Variants in SMOX observed in about 807,000 individuals in gnomAD.
SMOX encodes spermine oxidase, also known as flavin containing amine oxidase.
A neutral mutation model predicts 51.0 loss-of-function variants in SMOX; 22 were observed. The observed-to-expected ratio is 0.43, with a 90% CI of 0.31 to 0.62. The LOEUF (loss-of-function observed/expected upper bound fraction) is 0.62, where lower values mean the gene tolerates loss of function less well. Ranked by LOEUF, SMOX falls within the 20% of genes least tolerant of loss-of-function variation. The pLI is 0.10. For missense variants in SMOX, 566 were observed against 777.7 expected (o/e 0.73, Z 3.24); for synonymous variants, 282 against 307.8 (o/e 0.92, Z 0.88).
At chr20:4,163,116 G>T (rs62212577) in intron 1 of SMOX, among the ~76,000 whole-genome samples, 6,453 of 152,108 alleles carry the variant, frequency 0.042, 178 homozygotes, top group Middle Eastern at 0.088. Context: ...CTCCGGCACT[G>T]TCAGACCTCA....
At chr20:4,159,922 C>G (rs1035198614) in intron 1 of SMOX, among the ~76,000 whole-genome samples, 1 of 152,172 alleles carries the variant, frequency 6.6e-6, no homozygotes, top group African/African-American at 2.4e-5. Flanking sequence ...CTGTGGTCTT[C>G]TTAGGAGAGC....
chr20:4,178,511 A>G (rs1177528198), intron 3 of SMOX, among the ~76,000 whole-genome samples: 3 of 152,152 alleles, frequency 2.0e-5, no homozygotes, highest in Non-Finnish European at 4.4e-5. Context: ...TTAAAAAATT[A>G]TTAATATTGT....
intron 1 of SMOX, among the ~76,000 whole-genome samples, chr20:4,156,731 T>C (rs1201445492): frequency 6.6e-6 from 1 of 152,160 alleles, no homozygotes; most frequent in East Asian, 1.9e-4. Context: ...TAGCTGGGCC[T>C]GGGTCTTCTG....
intron 1 of SMOX, among the ~76,000 whole-genome samples, chr20:4,157,977 T>C (rs544415744): frequency 6.6e-5 from 10 of 152,198 alleles, no homozygotes; most frequent in Admixed American, 1.3e-4. Context: ...CTCGGCTCAC[T>C]GCAACCTCCG....
chr20:4,162,461 G>A (rs1458304500), intron 1 of SMOX, among the ~76,000 whole-genome samples: 1 of 152,246 alleles, frequency 6.6e-6, no homozygotes, highest in African/African-American at 2.4e-5. Context: ...CCTGCGTGGA[G>A]CTCACTTCTC....
At chr20:4,160,090 A>C (rs1401297685) in intron 1 of SMOX, among the ~76,000 whole-genome samples, 3 of 152,166 alleles carry the variant, frequency 2.0e-5, no homozygotes, top group Non-Finnish European at 4.4e-5. Context: ...GGAGGAGGAG[A>C]TCGAGGGTGA....
intron 1 of SMOX, among the ~76,000 whole-genome samples, chr20:4,169,269 C>T (rs1192188514): frequency 1.3e-5 from 2 of 152,072 alleles, no homozygotes; most frequent in East Asian, 3.9e-4. Context: ...CCCAAAGTGC[C>T]GCGATTACAG....
In SMOX at chr20:4,177,847, T is replaced by G. The variant is rs993870032; in HGVS notation, c.435+270T>G. 2.8e-4 allele frequency among the ~76,000 whole-genome samples: 43 copies of G among 152,192 alleles called. No individual in the cohort carries two copies. Among genetic ancestry groups the G allele is most frequent in the African/African-American group, 1.0e-3 (42 of 41,446 alleles). On this transcript the variant is annotated intron_variant, in intron 3 of 6. Transcript: ENST00000305958. The surrounding 1 kb of genome is among the most constrained non-coding windows in gnomAD (Gnocchi z 4.3). ...ATATTTTGGAATTTATGTATATAAC[T>G]CTACACAAAAAATGAGAATTTTGTC... is the stretch of plus-strand genomic sequence containing the variant.
In SMOX at chr20:4,177,379, C is replaced by G. The variant is rs1978945174; in HGVS notation, c.237C>G (p.Thr79=). ...LGHATFELGA[T]WIHGSHGNPI... Reference sequence around the variant, plus strand: ...ACGCCACCTTTGAGCTGGGAGCCACCTGGATCCATGGCTCCCATGGGAACC... The same window carrying G: ...ACGCCACCTTTGAGCTGGGAGCCACGTGGATCCATGGCTCCCATGGGAACC... The change falls in exon 3 of 7, where the codon ACC becomes ACG. Residue 79 remains threonine, a synonymous_variant. Transcript: ENST00000305958. The surrounding 1 kb of genome is among the most constrained non-coding windows in gnomAD (Gnocchi z 4.3). 1 of 1,553,270 alleles carries G rather than the reference C, an allele frequency of 6.4e-7. No individual in the cohort carries two copies. The highest frequency in any genetic ancestry group is 8.7e-7 in the Non-Finnish European group (1 of 1,147,858).
In SMOX at chr20:4,177,768, T is replaced by C. The variant is rs1741320; in HGVS notation, c.435+191T>C. 0.55 allele frequency among the ~76,000 whole-genome samples: 83,268 copies of C among 151,740 alleles called. 23,287 individuals carry two copies. The highest frequency in any genetic ancestry group is 0.66 in the East Asian group (3,402 of 5,130). On this transcript the variant is annotated intron_variant, in intron 3 of 6. Coordinates refer to ENST00000305958, the MANE Select transcript of SMOX (RefSeq NM_175839.3). This position sits in a 1 kb window ranked among gnomAD's most constrained non-coding sequence, Gnocchi z 4.3. ...TGATTTGTTAGCTTGCTAAATTATT[T>C]TTAATTCTAATAATACATCTATTAT...
chr20:4,186,737 C>T lies in SMOX; in HGVS notation c.1531-533C>T, dbSNP rs1435182467. The T allele has an allele frequency of 3.8e-6, 3 of 780,832 alleles. No homozygotes were observed. The East Asian group carries it at 7.3e-5, about 19-fold the overall frequency. 48.4% of individuals were successfully genotyped at this position (780,832 alleles called of 1,614,324 possible). ...AATTGGGTTTCATGTCTGGCTTCCT[C>T]ACCAGCATGGAAGCTCCACAAAGCA... On this transcript the variant is annotated intron_variant, in intron 6 of 6. Transcript: ENST00000305958.
chr20:4,159,970 T>C (rs1012198560), intron 1 of SMOX, among the ~76,000 whole-genome samples: 7 of 152,220 alleles, frequency 4.6e-5, no homozygotes, highest in Non-Finnish European at 7.3e-5. Flanking sequence ...GAGGGGAAGG[T>C]CTCGGGCCAG....
At chr20:4,156,063 C>G (rs1482192540) in intron 1 of SMOX, among the ~76,000 whole-genome samples, 1 of 152,184 alleles carries the variant, frequency 6.6e-6, no homozygotes, top group African/African-American at 2.4e-5. Context: ...TGCGCAATCT[C>G]AAGCGTTCAG....
intron 1 of SMOX, among the ~76,000 whole-genome samples, chr20:4,152,830 A>G (rs1985827679): frequency 6.6e-6 from 1 of 152,250 alleles, no homozygotes; most frequent in Non-Finnish European, 1.5e-5. Flanking sequence ...ATACAGCTAA[A>G]TAGTGACAGA....
chr20:4,168,444 A>G (rs1664005091), intron 1 of SMOX, among the ~76,000 whole-genome samples: 1 of 152,106 alleles, frequency 6.6e-6, no homozygotes, highest in African/African-American at 2.4e-5. Flanking sequence ...TGGGAAGCGG[A>G]TTAGGAAATT....
At position 4,183,606 on chromosome 20, in the gene SMOX, G is replaced by C; in HGVS notation, c.1482G>C (p.Val494=). 2 of 1,605,820 alleles carry C rather than the reference G, an allele frequency of 1.2e-6. No individual in the cohort carries two copies. The highest frequency in any genetic ancestry group is 1.7e-6 in the Non-Finnish European group (2 of 1,175,342). The change falls in exon 6 of 7, where the codon GTG becomes GTC. Residue 494 remains valine, a synonymous_variant. Transcript: ENST00000305958. This position sits in a 1 kb window ranked among gnomAD's most constrained non-coding sequence, Gnocchi z 4.3. ...AGGTGGGCTCCAGCGGGGCGGATGT[G>C]GAGAAGCTGGCCAAGCCCCTGCCGT... ...YTQVGSSGAD[V]EKLAKPLPYT...
intron 1 of SMOX, among the ~76,000 whole-genome samples, chr20:4,171,456 T>C (rs934906012): frequency 6.6e-6 from 1 of 152,102 alleles, no homozygotes; most frequent in Non-Finnish European, 1.5e-5. Flanking sequence ...CATGGGATGA[T>C]ATCAGGGCCA....
At chr20:4,186,659 G>T in intron 6 of SMOX, 1 of 742,158 alleles carries the variant, frequency 1.3e-6, no homozygotes. Context: ...TCTTTTCTGG[G>T]CTTTCGGCGC....
intron 1 of SMOX, 22 bp from the exon 2 acceptor site, chr20:4,175,008 G>C: frequency 6.2e-7 from 1 of 1,607,764 alleles, no homozygotes; most frequent in Non-Finnish European, 8.5e-7. Context: ...CCACTAAGCT[G>C]TGACACCTCC....
Sources: gnomAD v4.1 joint callset for allele counts (sites outside exome capture counted in the v4.1 genomes callset) on GRCh38, gnomAD v4.1.1 for gene constraint, Gnocchi (gnomAD v3.1) non-coding constraint, MANE v1.5 for transcripts, NCBI Gene and HGNC (gene_info 2026-07-23, HGNC 2026-07-21) for gene names.